The following IGF1R variants were observed in gnomAD, a reference collection of about 807,000 sequenced individuals.
The protein encoded by IGF1R is insulin like growth factor 1 receptor.
Under a neutral mutation model 144.6 loss-of-function variants are expected in IGF1R, and 44 were observed. The ratio of observed to expected loss-of-function variants is 0.30; its 90% CI spans 0.24 to 0.39. The LOEUF (loss-of-function observed/expected upper bound fraction) is 0.39, where lower values mean the gene tolerates loss of function less well. Among genes scored for constraint, IGF1R ranks in the 10% least tolerant of loss-of-function variants. The pLI is 1.00. For synonymous variants in IGF1R, 795 were observed against 722.8 expected (o/e 1.10, Z -1.60); for missense variants, 1,355 against 1,833.7 (o/e 0.74, Z 4.77).
chr15:98,663,227 G>A (rs978789374), intron 1 of IGF1R, among the ~76,000 whole-genome samples: 1 of 152,100 alleles, frequency 6.6e-6, no homozygotes, highest in African/African-American at 2.4e-5. Flanking sequence ...GTGGTTTGTC[G>A]AGAGAGCAGT....
rs1025267342 is a variant in IGF1R at position 98,960,109 on chromosome 15, C to T, written c.*2667C>T. 4.3e-6 allele frequency: 1 copy of T among 233,466 alleles called. No homozygotes were observed. The highest frequency in any genetic ancestry group is 2.2e-5 in the African/African-American group (1 of 45,292). The allele number at this position is 233,466 out of a possible 1,614,324, so 14.5% of individuals were successfully genotyped here. ...TGTGTATATAGACAAAAGAATACATCTCACCTTTCTCAGCACCTGACAATA... is the reference window on the plus strand; with the variant it reads ...TGTGTATATAGACAAAAGAATACATTTCACCTTTCTCAGCACCTGACAATA... On this transcript the variant is annotated 3_prime_UTR_variant, in exon 21 of 21. Coordinates refer to ENST00000650285, the MANE Select transcript of IGF1R (RefSeq NM_000875.5).
intron 2 of IGF1R, among the ~76,000 whole-genome samples, chr15:98,769,125 A>G (rs2055518788): frequency 6.6e-6 from 1 of 152,256 alleles, no homozygotes; most frequent in African/African-American, 2.4e-5. Flanking sequence ...TTTTAAGTGT[A>G]TAAATATGTA....
chr15:98,923,574 A>G (rs777643629), intron 11 of IGF1R, among the ~76,000 whole-genome samples: 2 of 152,250 alleles, frequency 1.3e-5, no homozygotes, highest in African/African-American at 2.4e-5. Flanking sequence ...TGTGCTTGGC[A>G]GCAGGCTTTT....
intron 1 of IGF1R, among the ~76,000 whole-genome samples, chr15:98,665,532 G>A (rs1315091551): frequency 6.6e-6 from 1 of 152,208 alleles, no homozygotes; most frequent in African/African-American, 2.4e-5. Context: ...GTGGCCTGGG[G>A]AAGAGCCTGG....
intron 2 of IGF1R, among the ~76,000 whole-genome samples, chr15:98,877,489 C>CT (rs5814908): frequency 0.029 from 2,479 of 85,598 alleles, 24 homozygotes; most frequent in African/African-American, 0.034. Flanking sequence ...CACTAGCAGC[C>CT]TTTTTTTTTT....
At position 98,958,427 on chromosome 15, in the gene IGF1R, A is replaced by C. The variant is rs890565985; in HGVS notation, c.*985A>C. 1.4e-5 allele frequency: 3 copies of C among 217,934 alleles called. No individual in the cohort carries two copies. In the East Asian group the frequency reaches 2.0e-4, roughly 15 times the overall value. The allele number at this position is 217,934 out of a possible 1,614,324, so 13.5% of individuals were successfully genotyped here. A position where few individuals can be genotyped will look rare whatever the true frequency, so the allele number is the denominator to read the frequency against. On this transcript the variant is annotated 3_prime_UTR_variant, in exon 21 of 21. Transcript: ENST00000650285. ...GCCCCAGCTCCCCCGCCCGCCCCCA[A>C]GGACACAGATGGGAAGGGGTTTCCA...
At chr15:98,680,508 C>T (rs2053161175) in intron 1 of IGF1R, among the ~76,000 whole-genome samples, 1 of 152,002 alleles carries the variant, frequency 6.6e-6, no homozygotes, top group African/African-American at 2.4e-5. Context: ...CCTCGTGATC[C>T]ACCCACCTCG....
At chr15:98,675,356 C>T (rs2053009339) in intron 1 of IGF1R, among the ~76,000 whole-genome samples, 1 of 152,076 alleles carries the variant, frequency 6.6e-6, no homozygotes. Context: ...TGATACACTA[C>T]TCTGATTAAT....
At chr15:98,768,763 C>A (rs143246326) in intron 2 of IGF1R, among the ~76,000 whole-genome samples, 145 of 86,190 alleles carry the variant, frequency 1.7e-3, no homozygotes, top group African/African-American at 1.8e-3. Flanking sequence ...ACTAAAAATA[C>A]AAAAAAAAAA....
chr15:98,768,930 AAAC>A (rs56709467), intron 2 of IGF1R, among the ~76,000 whole-genome samples: 3 of 16,454 alleles, frequency 1.8e-4, no homozygotes, highest in African/African-American at 2.0e-4. Flanking sequence ...TCCGTCTCAA[AAAC>A]AACAACAACA....
chr15:98,870,907 T>C (rs1426928146), intron 2 of IGF1R, among the ~76,000 whole-genome samples: 2 of 152,216 alleles, frequency 1.3e-5, no homozygotes, highest in African/African-American at 4.8e-5. Flanking sequence ...GGCACCAGGA[T>C]GACTTTTTGT....
At chr15:98,796,267 G>T (rs755701293) in intron 2 of IGF1R, among the ~76,000 whole-genome samples, 1 of 152,052 alleles carries the variant, frequency 6.6e-6, no homozygotes, top group Non-Finnish European at 1.5e-5. Context: ...CAGTAAAGGC[G>T]CCTGGGGGTG....
At chr15:98,836,474 A>G (rs1302266858) in intron 2 of IGF1R, among the ~76,000 whole-genome samples, 1 of 151,460 alleles carries the variant, frequency 6.6e-6, no homozygotes, top group Non-Finnish European at 1.5e-5. Flanking sequence ...AACTATGATC[A>G]TGCCACTGCA....
intron 13 of IGF1R, among the ~76,000 whole-genome samples, chr15:98,925,021 A>G (rs2015656088): frequency 6.6e-6 from 1 of 151,332 alleles, no homozygotes; most frequent in African/African-American, 2.4e-5. Flanking sequence ...AACAAAAGAC[A>G]TTTTATAAAG....
At chr15:98,748,168 A>G (rs1200965426) in intron 2 of IGF1R, among the ~76,000 whole-genome samples, 3 of 152,096 alleles carry the variant, frequency 2.0e-5, no homozygotes, top group Admixed American at 6.6e-5. Flanking sequence ...ATTAAGTATT[A>G]ATTGATTAAT....
At chr15:98,789,590 T>A (rs1204784919) in intron 2 of IGF1R, among the ~76,000 whole-genome samples, 1 of 152,244 alleles carries the variant, frequency 6.6e-6, no homozygotes, top group Non-Finnish European at 1.5e-5. Flanking sequence ...ATGCCATTTC[T>A]TAATTATAAT....
chr15:98,949,989 C>A (rs1034395698), intron 20 of IGF1R, among the ~76,000 whole-genome samples: 1 of 152,188 alleles, frequency 6.6e-6, no homozygotes, highest in African/African-American at 2.4e-5. Flanking sequence ...TTGCTTTTGA[C>A]ATGCACTTTA....
At chr15:98,728,145 A>C (rs1292022514) in intron 2 of IGF1R, among the ~76,000 whole-genome samples, 1 of 151,706 alleles carries the variant, frequency 6.6e-6, no homozygotes, top group Non-Finnish European at 1.5e-5. Context: ...TTTTTAACTA[A>C]GTATTTTTGC....
At chr15:98,662,813 A>G (rs2052632153) in intron 1 of IGF1R, among the ~76,000 whole-genome samples, 1 of 152,136 alleles carries the variant, frequency 6.6e-6, no homozygotes, top group Non-Finnish European at 1.5e-5. Flanking sequence ...CAGGAGAGGA[A>G]GGGACCATGT....
Sources: gnomAD v4.1 joint callset for allele counts (sites outside exome capture counted in the v4.1 genomes callset) on GRCh38, gnomAD v4.1.1 for gene constraint, MANE v1.5 for transcripts, NCBI Gene and HGNC (gene_info 2026-07-23, HGNC 2026-07-21) for gene names.